CSF1R: variants seen among roughly 807,000 people sequenced by gnomAD.
CSF1R encodes colony stimulating factor 1 receptor, also known as macrophage colony-stimulating factor 1 receptor.
CSF1R carries 40 observed loss-of-function variants against 110.0 expected under a neutral mutation model. That is an observed-to-expected ratio of 0.36 (90% CI 0.28 to 0.47). The LOEUF is 0.47. Among genes scored for constraint, CSF1R ranks in the 20% least tolerant of loss-of-function variants. CSF1R has a pLI of 0.99. For synonymous variants in CSF1R, 523 were observed against 503.4 expected (o/e 1.04, Z -0.52); for missense variants, 1,052 against 1,253.0 (o/e 0.84, Z 2.42).
chr5:150,103,619 C>T (rs1164280668), intron 1 of CSF1R, among the ~76,000 whole-genome samples: 1 of 152,178 alleles, frequency 6.6e-6, no homozygotes. Context: ...AATCAGATGG[C>T]GCTGGGGAAC....
At position 150,078,136 on chromosome 5, in the gene CSF1R, G is replaced by T; in HGVS notation, c.705C>A (p.Val235=). The T allele has an allele frequency of 6.2e-7, 1 of 1,614,148 alleles. No homozygotes were observed. The highest frequency in any genetic ancestry group is 1.7e-5 in the Admixed American group (1 of 60,016). ...CCTTGGTGTTGTTGTGTTGGAGGAA[G>T]ACATCAAAGTTAACATCAACGCTGC... ...SASSVDVNFD[V]FLQHNNTKLA... is the part of the protein sequence containing the mutation. The change falls in exon 4 of 21, where the codon GTC becomes GTA. Residue 235 remains valine (V), a synonymous_variant. Transcript: ENST00000675795.
chr5:150,065,250 A>G (rs1024366378), intron 10 of CSF1R, among the ~76,000 whole-genome samples: 2 of 152,076 alleles, frequency 1.3e-5, no homozygotes, highest in Admixed American at 6.5e-5. Flanking sequence ...CATCCCAGGA[A>G]GGTGGAGATC....
At chr5:150,108,478 G>A (rs1759617588) in intron 1 of CSF1R, among the ~76,000 whole-genome samples, 1 of 152,210 alleles carries the variant, frequency 6.6e-6, no homozygotes, top group South Asian at 2.1e-4. Flanking sequence ...AAGATTCCAT[G>A]AAGGAGTCTC....
intron 1 of CSF1R, among the ~76,000 whole-genome samples, chr5:150,102,273 T>C (rs1175497381): frequency 1.3e-5 from 2 of 152,212 alleles, no homozygotes; most frequent in Non-Finnish European, 2.9e-5. Context: ...AAATGCAGCA[T>C]CACCGTACAC....
At chr5:150,062,584 A>T (rs1399698818) in intron 10 of CSF1R, among the ~76,000 whole-genome samples, 1 of 115,656 alleles carries the variant, frequency 8.6e-6, no homozygotes, top group Non-Finnish European at 1.9e-5. Context: ...GCTGCAGCAC[A>T]GGTCAGAATT....
rs529952689 is a variant in CSF1R at position 150,093,299 on chromosome 5, G to A, written c.-180-6692C>T. On this transcript the variant is annotated intron_variant, in intron 1 of 21. Coordinates refer to the CSF1R transcript ENST00000286301. ...TCACCATGTTGGCTAAGCTGGTCTC[G>A]AATTCCTGACTTCAGGTCATCTGCC... is the stretch of plus-strand genomic sequence containing the variant. 2.6e-5 allele frequency among the ~76,000 whole-genome samples: 4 copies of A among 152,186 alleles called. No homozygotes were observed. The South Asian group carries it at 8.3e-4, about 32-fold the overall frequency.
intron 19 of CSF1R, among the ~76,000 whole-genome samples, 177 bp downstream of exon 19, chr5:150,055,060 C>G (rs1757141137): frequency 6.6e-6 from 1 of 151,150 alleles, no homozygotes; most frequent in Non-Finnish European, 1.5e-5. Context: ...AGCTGCTTCT[C>G]TGAGAACATC....
intron 5 of CSF1R, 61 bp downstream of exon 5, chr5:150,077,215 C>T (rs1030834523): frequency 1.9e-6 from 3 of 1,605,328 alleles, no homozygotes; most frequent in Non-Finnish European, 2.6e-6. Flanking sequence ...CTCCTCAAAA[C>T]CCTTCTGCTC....
intron 5 of CSF1R, among the ~76,000 whole-genome samples, chr5:150,076,238 T>G (rs999886366): frequency 2.0e-5 from 3 of 152,298 alleles, no homozygotes; most frequent in Non-Finnish European, 4.4e-5. Context: ...ACCCACATGG[T>G]GCCAGACTGA....
chr5:150,053,891 A>G lies in CSF1R; in HGVS notation c.*178T>C. ...TGACTGGCAGTGATGGCCCATGCTC[A>G]GGAAGTGGGATCCTCTGACCTCCCC... On this transcript the variant is annotated 3_prime_UTR_variant, in exon 21 of 21. Transcript: ENST00000675795. The G allele has an allele frequency of 1.5e-6, 1 of 651,930 alleles. No homozygotes were observed. The highest frequency in any genetic ancestry group is 2.7e-6 in the Non-Finnish European group (1 of 374,018). 40.4% of individuals were successfully genotyped at this position (651,930 alleles called of 1,614,324 possible).
intron 9 of CSF1R, among the ~76,000 whole-genome samples, 153 bp from the exon 10 acceptor site, chr5:150,068,483 T>C (rs902859350): frequency 6.6e-6 from 1 of 152,182 alleles, no homozygotes; most frequent in Non-Finnish European, 1.5e-5. Flanking sequence ...GAGCCTCTCC[T>C]GCACACCCTC....
At chr5:150,101,803 G>C (rs1050673220) in intron 1 of CSF1R, among the ~76,000 whole-genome samples, 1 of 151,826 alleles carries the variant, frequency 6.6e-6, no homozygotes, top group Non-Finnish European at 1.5e-5. Flanking sequence ...TTGTAAGAGT[G>C]TGTGTATACT....
At chr5:150,109,494 G>A (rs1188189439) in intron 1 of CSF1R, among the ~76,000 whole-genome samples, 1 of 152,312 alleles carries the variant, frequency 6.6e-6, no homozygotes, top group South Asian at 2.1e-4. Context: ...TCCTCTGGGT[G>A]TTTCTGGTTA....
At chr5:150,056,996 CA>C (rs1251251114) in intron 16 of CSF1R, among the ~76,000 whole-genome samples, 1 of 152,130 alleles carries the variant, frequency 6.6e-6, no homozygotes, top group Non-Finnish European at 1.5e-5. Context: ...GCTTTATGAG[CA>C]GAGACAACTG....
intron 5 of CSF1R, among the ~76,000 whole-genome samples, chr5:150,074,860 G>A (rs1758194606): frequency 7.5e-6 from 1 of 133,310 alleles, no homozygotes; most frequent in Non-Finnish European, 1.6e-5. Flanking sequence ...CACACTCAAC[G>A]CTCCACCCAT....
At chr5:150,107,576 T>C (rs754539832) in intron 1 of CSF1R, among the ~76,000 whole-genome samples, 3 of 152,252 alleles carry the variant, frequency 2.0e-5, no homozygotes, top group Non-Finnish European at 4.4e-5. Flanking sequence ...TGCCTGGAGT[T>C]AAACAGCTAA....
intron 5 of CSF1R, 178 bp downstream of exon 5, chr5:150,077,098 G>A (rs1758297553): frequency 1.3e-6 from 1 of 753,380 alleles, no homozygotes; most frequent in Non-Finnish European, 2.3e-6. Context: ...GAGATCCCAG[G>A]AGAGGGTAAG....
intron 1 of CSF1R, among the ~76,000 whole-genome samples, chr5:150,109,234 C>G (rs1759647199): frequency 6.6e-6 from 1 of 152,178 alleles, no homozygotes; most frequent in South Asian, 2.1e-4. Flanking sequence ...GTGACTGTAG[C>G]CAAGCCACTT....
chr5:150,080,088 C>A lies in CSF1R; in HGVS notation c.556G>T (p.Val186Leu), dbSNP rs752144106. The A allele has an allele frequency of 9.3e-6, 15 of 1,614,054 alleles. No homozygotes were observed. The highest frequency in any genetic ancestry group is 1.2e-5 in the Non-Finnish European group (14 of 1,180,036). Reference sequence around the variant, plus strand: ...TTCAGCCGGATGCTGATGGACATCACCTTCCTGCCACCCATCAGGGCACTG... The same window carrying A: ...TTCAGCCGGATGCTGATGGACATCAACTTCCTGCCACCCATCAGGGCACTG... ...QCSALMGGRK[V>L]MSISIRLKVQ... Residue 186 changes from valine to leucine, a missense_variant, in exon 3 of 21, where the codon GTG becomes TTG. By Grantham distance (32) the Val-to-Leu change is conservative. Transcript: ENST00000675795.
Sources: allele counts gnomAD v4.1 joint callset (sites outside exome capture counted in the v4.1 genomes callset), GRCh38; gene constraint gnomAD v4.1.1; transcripts MANE v1.5; gene names NCBI Gene and HGNC (gene_info 2026-07-23, HGNC 2026-07-21).